Variants in LNPEP observed in about 807,000 individuals in gnomAD.
The protein encoded by LNPEP is leucyl-cystinyl aminopeptidase.
Under a neutral mutation model 120.6 loss-of-function variants are expected in LNPEP, and 64 were observed. That is an observed-to-expected ratio of 0.53 (90% CI 0.43 to 0.65). The LOEUF (loss-of-function observed/expected upper bound fraction) is 0.65, where lower values mean the gene tolerates loss of function less well. Ranked by LOEUF, LNPEP falls within the 30% of genes least tolerant of loss-of-function variation. The probability of loss-of-function intolerance (pLI) is 0.00; values close to 1 mark genes in which losing one functional copy is unlikely to be tolerated. For missense variants in LNPEP, 1,057 were observed against 1,200.0 expected, an observed-to-expected ratio of 0.88 and a Z score of 1.76; for synonymous variants, 435 against 425.4, an observed-to-expected ratio of 1.02 and a Z score of -0.28.
intron 1 of LNPEP, among the ~76,000 whole-genome samples, chr5:96,972,076 T>TA (rs959504315): frequency 9.2e-5 from 14 of 151,972 alleles, no homozygotes; most frequent in Admixed American, 3.9e-4. Context: ...GATGCTGAAT[T>TA]AAAAAAAACT....
Position 97,028,766 on chromosome 5 carries a change from T to C in LNPEP, c.*233T>C. ...TATATTCACCTAAATGCCAACCATC[T>C]ACAAAAACAATGAGTAATTTTTCTA... On this transcript the variant is annotated 3_prime_UTR_variant, in exon 18 of 18. Coordinates refer to ENST00000231368, the MANE Select transcript of LNPEP (RefSeq NM_005575.3). 1 of 355,810 alleles carries C rather than the reference T, an allele frequency of 2.8e-6. No individual in the cohort carries two copies. The highest frequency in any genetic ancestry group is 5.1e-6 in the Non-Finnish European group (1 of 194,610). 22.0% of individuals were successfully genotyped at this position (355,810 alleles called of 1,614,324 possible). A position where few individuals can be genotyped will look rare whatever the true frequency, so the allele number is the denominator to read the frequency against.
chr5:96,943,117 G>T, intron 1 of LNPEP: 1 of 384,854 alleles, frequency 2.6e-6, no homozygotes, highest in Non-Finnish European at 4.4e-6. Context: ...GTCTTTCTGA[G>T]ATTGTTAAGC....
At position 96,993,929 on chromosome 5, in the gene LNPEP, A is replaced by G. The variant is rs374691468; in HGVS notation, c.1365A>G (p.Arg455=). 52 of 1,613,816 alleles carry G rather than the reference A, an allele frequency of 3.2e-5. No individual in the cohort carries two copies. Among genetic ancestry groups the G allele is most frequent in the Non-Finnish European group, 4.2e-5 (50 of 1,179,858 alleles). Residue 455 remains arginine, a synonymous_variant, in exon 6 of 18, where the codon AGA becomes AGG. Coordinates refer to ENST00000231368, the MANE Select transcript of LNPEP (RefSeq NM_005575.3). ...GTAACACTTCTTCAATGGCGGATAGAAAGCTGGTGACTAAAATCATTGCTC... is the reference window on the plus strand; with the variant it reads ...GTAACACTTCTTCAATGGCGGATAGGAAGCTGGTGACTAAAATCATTGCTC... ...YDSNTSSMAD[R]KLVTKIIAHE... is the part of the protein sequence containing the mutation.
Position 97,015,050 on chromosome 5 carries a change from C to A in LNPEP, c.2331C>A (p.Asn777Lys). Reference protein sequence around the residue: ...EALFQTDLIYNLLEKLGYMDL... With the variant: ...EALFQTDLIYKLLEKLGYMDL... Reference sequence around the variant, plus strand: ...TGTTTCAGACAGACCTCATCTATAACCTCCTTGAAAAACTGGGATACATGG... The same window carrying A: ...TGTTTCAGACAGACCTCATCTATAAACTCCTTGAAAAACTGGGATACATGG... The change falls in exon 13 of 18, where the codon AAC (asparagine) becomes AAA (lysine). Residue 777 changes from asparagine (N) to lysine (K), a missense_variant. Asn to Lys is a moderately conservative substitution (Grantham distance 94, BLOSUM62 0). Coordinates refer to ENST00000231368, the MANE Select transcript of LNPEP (RefSeq NM_005575.3). 9 of 1,596,150 alleles carry A rather than the reference C, an allele frequency of 5.6e-6. No individual in the cohort carries two copies. Among genetic ancestry groups the A allele is most frequent in the Admixed American group, 3.5e-5 (2 of 57,770 alleles).
chr5:96,965,531 A>G (rs1175896038), intron 1 of LNPEP, among the ~76,000 whole-genome samples: 3 of 152,118 alleles, frequency 2.0e-5, no homozygotes, highest in Admixed American at 6.6e-5. Context: ...CAATTTTTAT[A>G]TTTTTCATTT....
chr5:97,006,325 C>G, intron 10 of LNPEP, 92 bp downstream of exon 10: 1 of 1,299,880 alleles, frequency 7.7e-7, no homozygotes, highest in Non-Finnish European at 1.1e-6. Flanking sequence ...CTTGTGAAAC[C>G]TAACAAGATT....
chr5:97,035,234 G>T lies in LNPEP; in HGVS notation c.*6701G>T, dbSNP rs371617752. 6.6e-6 allele frequency: 1 copy of T among 152,056 alleles called. No individual in the cohort carries two copies. Among genetic ancestry groups the T allele is most frequent in the Admixed American group, 6.6e-5 (1 of 15,242 alleles). 9.4% of individuals were successfully genotyped at this position (152,056 alleles called of 1,614,324 possible). On this transcript the variant is annotated 3_prime_UTR_variant, in exon 18 of 18. Coordinates refer to ENST00000231368, the MANE Select transcript of LNPEP (RefSeq NM_005575.3). ...AAGGACAGTGTCTATACTTTTTAAA[G>T]ATGTATATAAATGTTTCATGTTATT...
At position 96,979,644 on chromosome 5, in the gene LNPEP, C is replaced by A; in HGVS notation, c.526C>A (p.Arg176Ser). 1 of 1,614,090 alleles carries A rather than the reference C, an allele frequency of 6.2e-7. No homozygotes were observed. The highest frequency in any genetic ancestry group is 8.5e-7 in the Non-Finnish European group (1 of 1,179,962). ...GCTTCCCACTGCCGTTGTGCCACTA[C>A]GCTATGAACTCAGCCTACACCCGAA... is the stretch of plus-strand genomic sequence containing the variant. ...IRLPTAVVPL[R>S]YELSLHPNLT... The change falls in exon 2 of 18, where the codon CGC becomes AGC. Residue 176 changes from arginine to serine, a missense_variant. Transcript: ENST00000231368.
At chr5:97,011,965 G>A (rs1790939557) in intron 11 of LNPEP, among the ~76,000 whole-genome samples, 1 of 152,068 alleles carries the variant, frequency 6.6e-6, no homozygotes, top group South Asian at 2.1e-4. Flanking sequence ...AAATCCTAAG[G>A]TTTCAGGTAC....
At chr5:96,994,394 CTT>C (rs1190294804) in intron 6 of LNPEP, among the ~76,000 whole-genome samples, 4 of 151,958 alleles carry the variant, frequency 2.6e-5, no homozygotes, top group Non-Finnish European at 5.9e-5. Context: ...CCCAGTATAA[CTT>C]TGTGGGGAAG....
chr5:97,004,621 T>A (rs1460533683), intron 9 of LNPEP, among the ~76,000 whole-genome samples: 1 of 152,176 alleles, frequency 6.6e-6, no homozygotes, highest in East Asian at 1.9e-4. Context: ...ACACACAGTT[T>A]CAAAGTTTTA....
intron 1 of LNPEP, among the ~76,000 whole-genome samples, chr5:96,953,626 A>T (rs1167174744): frequency 6.6e-6 from 1 of 152,186 alleles, no homozygotes; most frequent in Admixed American, 6.5e-5. Flanking sequence ...GCCAAATAAT[A>T]TGTTGCCATA....
chr5:96,955,433 G>A (rs747241121), intron 1 of LNPEP, among the ~76,000 whole-genome samples: 16 of 152,130 alleles, frequency 1.1e-4, no homozygotes, highest in Non-Finnish European at 2.1e-4. Flanking sequence ...TGGCCAACAA[G>A]GCGATAGCCC....
At chr5:96,960,071 T>C (rs1470920313) in intron 1 of LNPEP, among the ~76,000 whole-genome samples, 1 of 151,694 alleles carries the variant, frequency 6.6e-6, no homozygotes, top group Non-Finnish European at 1.5e-5. Context: ...CCCGAGTAGC[T>C]GGGATTACAG....
chr5:96,983,383 C>T (rs188427457), intron 2 of LNPEP, among the ~76,000 whole-genome samples: 6 of 152,296 alleles, frequency 3.9e-5, no homozygotes, highest in Admixed American at 2.6e-4. Flanking sequence ...TTTTACTTAA[C>T]TGAAAATCTG....
At chr5:97,025,343 A>G (rs577303085) in intron 15 of LNPEP, among the ~76,000 whole-genome samples, 3 of 152,232 alleles carry the variant, frequency 2.0e-5, no homozygotes, top group Non-Finnish European at 4.4e-5. Context: ...TTTTGCTCAG[A>G]TAAATCTTAA....
intron 8 of LNPEP, among the ~76,000 whole-genome samples, chr5:96,998,748 A>G (rs1171933661): frequency 6.6e-6 from 1 of 152,188 alleles, no homozygotes; most frequent in African/African-American, 2.4e-5. Context: ...AATGTGTGAG[A>G]TACAGTCTAT....
intron 11 of LNPEP, chr5:97,010,272 T>G (rs1159144507): frequency 1.0e-6 from 1 of 968,978 alleles, no homozygotes; most frequent in African/African-American, 1.8e-5. Context: ...GTATTAAATC[T>G]AATGCAAAAC....
chr5:96,949,099 G>A (rs10069361), intron 1 of LNPEP, among the ~76,000 whole-genome samples: 67,148 of 152,128 alleles, frequency 0.44, 14,961 homozygotes, highest in Non-Finnish European at 0.49. Context: ...AACTAATGGT[G>A]TTTCTTGGAT....
Sources: allele counts gnomAD v4.1 joint callset (sites outside exome capture counted in the v4.1 genomes callset), GRCh38; gene constraint gnomAD v4.1.1; transcripts MANE v1.5; gene names NCBI Gene and HGNC (gene_info 2026-07-23, HGNC 2026-07-21).